FAM184A: variants seen among roughly 807,000 people sequenced by gnomAD.
FAM184A encodes family with sequence similarity 184 member A.
Under a neutral mutation model 143.8 loss-of-function variants are expected in FAM184A, and 99 were observed. The observed-to-expected ratio is 0.69, with a 90% CI of 0.58 to 0.81. The LOEUF (loss-of-function observed/expected upper bound fraction) is 0.81, where lower values mean the gene tolerates loss of function less well. Among genes scored for constraint, FAM184A ranks in the 40% least tolerant of loss-of-function variants. The pLI is 0.00. For synonymous variants in FAM184A, 427 were observed against 446.4 expected (o/e 0.96, Z 0.55); for missense variants, 1,217 against 1,310.5 (o/e 0.93, Z 1.10).
intron 1 of FAM184A, among the ~76,000 whole-genome samples, chr6:119,050,302 T>C (rs1786700813): frequency 6.6e-6 from 1 of 152,094 alleles, no homozygotes. Context: ...AGAACTACCA[T>C]TTGACCCAGC....
At chr6:119,140,704 A>G (rs1281969149) in intron 1 of FAM184A, among the ~76,000 whole-genome samples, 1 of 152,202 alleles carries the variant, frequency 6.6e-6, no homozygotes, top group Non-Finnish European at 1.5e-5. Flanking sequence ...TGCTTCTGCC[A>G]GAAATTGAGT....
intron 7 of FAM184A, 128 bp from the exon 8 acceptor site, chr6:119,003,750 G>T: frequency 1.2e-6 from 1 of 844,824 alleles, no homozygotes; most frequent in Non-Finnish European, 1.6e-6. Flanking sequence ...ACTTGATAAT[G>T]CTATCTGTGA....
At chr6:119,043,959 A>C (rs913418452) in intron 1 of FAM184A, among the ~76,000 whole-genome samples, 3 of 152,232 alleles carry the variant, frequency 2.0e-5, no homozygotes, top group Admixed American at 1.3e-4. Context: ...CCAGAAAAGG[A>C]AGAGTAAATG....
chr6:119,073,859 A>T (rs1202035222), intron 1 of FAM184A, among the ~76,000 whole-genome samples: 1 of 152,176 alleles, frequency 6.6e-6, no homozygotes, highest in Non-Finnish European at 1.5e-5. Context: ...TTGTGCAAAG[A>T]ATGAGTGCTC....
chr6:119,143,260 G>A (rs1324091871), intron 1 of FAM184A, among the ~76,000 whole-genome samples: 3 of 152,182 alleles, frequency 2.0e-5, no homozygotes, highest in Admixed American at 6.5e-5. Context: ...AGATTGCACA[G>A]CTGGTAAATG....
chr6:119,071,860 CTTTTT>C (rs35786966), intron 1 of FAM184A, among the ~76,000 whole-genome samples: 29 of 94,162 alleles, frequency 3.1e-4, no homozygotes, highest in African/African-American at 1.1e-3. Context: ...AACCTTTAAT[CTTTTT>C]TTTTTTTTTT....
At chr6:118,994,732 A>G (rs915196431) in intron 9 of FAM184A, among the ~76,000 whole-genome samples, 2 of 86,828 alleles carry the variant, frequency 2.3e-5, no homozygotes, top group African/African-American at 7.1e-5. Flanking sequence ...TAAATAAATA[A>G]ATAAAAAGCC....
chr6:119,018,025 C>T (rs561828988), intron 4 of FAM184A, among the ~76,000 whole-genome samples: 7 of 152,304 alleles, frequency 4.6e-5, no homozygotes, highest in African/African-American at 7.2e-5. Flanking sequence ...ATTTCATGCA[C>T]GGACCGCAGA....
intron 6 of FAM184A, among the ~76,000 whole-genome samples, chr6:119,008,816 G>A (rs539551066): frequency 2.7e-4 from 41 of 152,232 alleles, no homozygotes; most frequent in African/African-American, 9.4e-4. Flanking sequence ...CCCATCCACT[G>A]CACAAGCATC....
intron 1 of FAM184A, among the ~76,000 whole-genome samples, chr6:119,117,234 G>A (rs1285234204): frequency 6.6e-6 from 1 of 152,192 alleles, no homozygotes; most frequent in Non-Finnish European, 1.5e-5. Context: ...AAACTCTTGG[G>A]ATTTTAACTT....
At chr6:119,057,866 TAA>T (rs1307206405) in intron 1 of FAM184A, 9 of 148,450 alleles carry the variant, frequency 6.1e-5, no homozygotes, top group African/African-American at 2.2e-4. Context: ...TTTACTCTCT[TAA>T]AAGTTTGTGG....
intron 1 of FAM184A, among the ~76,000 whole-genome samples, chr6:119,117,197 G>A (rs1432073782): frequency 2.0e-5 from 3 of 152,198 alleles, no homozygotes; most frequent in African/African-American, 7.2e-5. Flanking sequence ...ATCATTTTGT[G>A]TGTAAGGGTG....
chr6:118,980,001 T>C (rs1783971944), intron 10 of FAM184A, 137 bp downstream of exon 10: 2 of 657,018 alleles, frequency 3.0e-6, no homozygotes, highest in Non-Finnish European at 5.2e-6. Context: ...TGAGCCATGA[T>C]TGTGCTGCTG....
At chr6:119,088,137 A>C (rs1788275393) in intron 1 of FAM184A, among the ~76,000 whole-genome samples, 1 of 152,166 alleles carries the variant, frequency 6.6e-6, no homozygotes. Context: ...TCAACTGGGG[A>C]AGATGAAAAA....
At chr6:119,104,804 C>T (rs4946395) in intron 1 of FAM184A, among the ~76,000 whole-genome samples, 96,539 of 152,020 alleles carry the variant, frequency 0.64, 31,330 homozygotes, top group East Asian at 0.96. Context: ...GTGCAGAAAG[C>T]TACTACCCAA....
chr6:119,097,572 C>G (rs1443945042), intron 1 of FAM184A, among the ~76,000 whole-genome samples: 1 of 152,150 alleles, frequency 6.6e-6, no homozygotes, highest in Non-Finnish European at 1.5e-5. Context: ...CGGTCCCTGG[C>G]TCATAACTCC....
chr6:119,002,670 A>G (rs1302972048), intron 9 of FAM184A, among the ~76,000 whole-genome samples: 1 of 152,174 alleles, frequency 6.6e-6, no homozygotes, highest in Admixed American at 6.5e-5. Context: ...TAAACTAAAA[A>G]ATCATAATAA....
At chr6:119,073,358 C>T (rs114956315) in intron 1 of FAM184A, among the ~76,000 whole-genome samples, 7 of 152,306 alleles carry the variant, frequency 4.6e-5, no homozygotes, top group African/African-American at 1.7e-4. Context: ...GACTCTGTAT[C>T]AAAAGTGCAA....
intron 9 of FAM184A, among the ~76,000 whole-genome samples, chr6:119,001,998 T>A (rs1331350251): frequency 6.6e-6 from 1 of 152,172 alleles, no homozygotes; most frequent in Non-Finnish European, 1.5e-5. Context: ...AATGTAAACA[T>A]ACATATGTAT....
Sources: allele counts gnomAD v4.1 joint callset (sites outside exome capture counted in the v4.1 genomes callset), GRCh38; gene constraint gnomAD v4.1.1; transcripts MANE v1.5; gene names NCBI Gene and HGNC (gene_info 2026-07-23, HGNC 2026-07-21).